The following MCU variants were observed in gnomAD, a reference collection of about 807,000 sequenced individuals.
The protein encoded by MCU is calcium uniporter protein, mitochondrial.
A neutral mutation model predicts 45.2 loss-of-function variants in MCU; 12 were observed. The observed-to-expected ratio is 0.27, with a 90% CI of 0.17 to 0.43. The LOEUF (loss-of-function observed/expected upper bound fraction) is 0.43, where lower values mean the gene tolerates loss of function less well. MCU is among the 20% of genes least tolerant of loss of function. MCU has a pLI of 1.00. For missense variants in MCU, 324 were observed against 436.7 expected (o/e 0.74, Z 2.30); for synonymous variants, 160 against 165.1 (o/e 0.97, Z 0.24).
chr10:72,884,403 A>G, intron 7 of MCU, 21 bp downstream of exon 7: 1 of 1,337,636 alleles, frequency 7.5e-7, no homozygotes, highest in South Asian at 1.2e-5. Context: ...CAAAAATTAA[A>G]ATAAATCCCA....
At chr10:72,881,241 A>G (rs1322628895) in intron 6 of MCU, among the ~76,000 whole-genome samples, 1 of 152,242 alleles carries the variant, frequency 6.6e-6, no homozygotes, top group Admixed American at 6.5e-5. Context: ...TTTATACTAT[A>G]AACAAAAATA....
intron 5 of MCU, among the ~76,000 whole-genome samples, chr10:72,870,739 G>A (rs2132884912): frequency 6.6e-6 from 1 of 152,232 alleles, no homozygotes; most frequent in Admixed American, 6.5e-5. Flanking sequence ...ATTAAATCGT[G>A]TATGCAACAG....
At chr10:72,696,924 G>A (rs1842695152) in intron 1 of MCU, among the ~76,000 whole-genome samples, 1 of 152,098 alleles carries the variant, frequency 6.6e-6, no homozygotes. Flanking sequence ...ATGGTGGATT[G>A]ATGGAAAGAG....
intron 1 of MCU, among the ~76,000 whole-genome samples, chr10:72,749,985 G>A (rs1448616948): frequency 6.8e-6 from 1 of 147,444 alleles, no homozygotes; most frequent in Admixed American, 6.8e-5. Context: ...TCACCATGTT[G>A]ACTGGGCTGG....
At chr10:72,804,861 T>C (rs1844406441) in intron 1 of MCU, among the ~76,000 whole-genome samples, 1 of 152,234 alleles carries the variant, frequency 6.6e-6, no homozygotes, top group Non-Finnish European at 1.5e-5. Context: ...AGCCTCAATC[T>C]CCCAGGCCCA....
At chr10:72,814,608 A>G (rs1319276170) in intron 1 of MCU, among the ~76,000 whole-genome samples, 1 of 152,244 alleles carries the variant, frequency 6.6e-6, no homozygotes, top group Non-Finnish European at 1.5e-5. Flanking sequence ...AACTAGGCAC[A>G]AAGCTCAGCC....
chr10:72,792,228 G>A (rs1844171914), intron 1 of MCU, among the ~76,000 whole-genome samples: 2 of 152,106 alleles, frequency 1.3e-5, no homozygotes, highest in Admixed American at 6.6e-5. Context: ...TAAAGGCGGG[G>A]TAAATTTCAG....
At chr10:72,842,474 G>A (rs1046364090) in intron 2 of MCU, among the ~76,000 whole-genome samples, 1 of 151,976 alleles carries the variant, frequency 6.6e-6, no homozygotes, top group Admixed American at 6.6e-5. Context: ...TACCTTTCTC[G>A]GAATTTTCAG....
chr10:72,733,184 C>A (rs1229444425), intron 1 of MCU, among the ~76,000 whole-genome samples: 3 of 152,200 alleles, frequency 2.0e-5, no homozygotes, highest in Non-Finnish European at 4.4e-5. Context: ...TGAGGCTGGG[C>A]GCAGTGGCTC....
intron 1 of MCU, among the ~76,000 whole-genome samples, chr10:72,768,034 A>G (rs1328689931): frequency 6.6e-6 from 1 of 152,164 alleles, no homozygotes; most frequent in Non-Finnish European, 1.5e-5. Context: ...TGTACTATCT[A>G]TTAAGATGAA....
At chr10:72,786,850 T>A (rs1031580079) in intron 1 of MCU, among the ~76,000 whole-genome samples, 3 of 152,222 alleles carry the variant, frequency 2.0e-5, no homozygotes, top group Non-Finnish European at 4.4e-5. Context: ...AAACATGCCA[T>A]CACTGGTAGA....
chr10:72,733,337 ATCCCAG>A (rs1392109886), intron 1 of MCU, among the ~76,000 whole-genome samples: 1 of 152,104 alleles, frequency 6.6e-6, no homozygotes. Context: ...CGTGCCTGTA[ATCCCAG>A]TTACTTGGGA....
chr10:72,722,881 C>G (rs1374693407), intron 1 of MCU, among the ~76,000 whole-genome samples: 2 of 152,172 alleles, frequency 1.3e-5, no homozygotes, highest in African/African-American at 4.8e-5. Flanking sequence ...TTCCTTTATT[C>G]TATTACTGTT....
intron 1 of MCU, among the ~76,000 whole-genome samples, chr10:72,801,513 C>G (rs1211503412): frequency 6.6e-6 from 1 of 151,302 alleles, no homozygotes; most frequent in Admixed American, 6.6e-5. Flanking sequence ...CACATAAACC[C>G]TACTTCTGCT....
intron 1 of MCU, among the ~76,000 whole-genome samples, chr10:72,794,095 GTGT>G (rs1844208681): frequency 6.6e-6 from 1 of 151,986 alleles, no homozygotes; most frequent in Non-Finnish European, 1.5e-5. Context: ...ATTCTAGCAG[GTGT>G]TGTTAAAATT....
chr10:72,815,780 A>G (rs1434433220), intron 1 of MCU, among the ~76,000 whole-genome samples: 1 of 152,212 alleles, frequency 6.6e-6, no homozygotes, highest in Non-Finnish European at 1.5e-5. Context: ...TCAGAAATAA[A>G]CTGATAAAAA....
chr10:72,787,656 C>G (rs1422307465), intron 1 of MCU, among the ~76,000 whole-genome samples: 1 of 151,978 alleles, frequency 6.6e-6, no homozygotes, highest in Non-Finnish European at 1.5e-5. Context: ...CCTGCCTTGC[C>G]AATTAGATTG....
At chr10:72,703,685 A>G (rs1271135098) in intron 1 of MCU, among the ~76,000 whole-genome samples, 1 of 152,156 alleles carries the variant, frequency 6.6e-6, no homozygotes. Flanking sequence ...CAGGCAGATC[A>G]CTTGAGGCCA....
chr10:72,813,080 G>A (rs1844569128), intron 1 of MCU, among the ~76,000 whole-genome samples: 1 of 152,116 alleles, frequency 6.6e-6, no homozygotes, highest in Admixed American at 6.6e-5. Flanking sequence ...CAACATTCTG[G>A]ATTTTTTATA....
Sources: gnomAD v4.1 joint callset for allele counts (sites outside exome capture counted in the v4.1 genomes callset) on GRCh38, gnomAD v4.1.1 for gene constraint, MANE v1.5 for transcripts, NCBI Gene and HGNC (gene_info 2026-07-23, HGNC 2026-07-21) for gene names.